Variants in GANAB observed in about 807,000 individuals in gnomAD.
The protein encoded by GANAB is glucosidase II alpha subunit.
Under a neutral mutation model 129.9 loss-of-function variants are expected in GANAB, and 35 were observed. The ratio of observed to expected loss-of-function variants is 0.27; its 90% CI spans 0.21 to 0.36. The LOEUF is 0.36. GANAB is among the 10% of genes least tolerant of loss of function. The probability of loss-of-function intolerance (pLI) is 1.00; values close to 1 mark genes in which losing one functional copy is unlikely to be tolerated. For missense variants in GANAB, 939 were observed against 1,221.0 expected (o/e 0.77, Z 3.44); for synonymous variants, 482 against 451.8 (o/e 1.07, Z -0.85).
At chr11:62,637,564 G>C (rs1215286272) in intron 4 of GANAB, among the ~76,000 whole-genome samples, 1 of 152,186 alleles carries the variant, frequency 6.6e-6, no homozygotes, top group Non-Finnish European at 1.5e-5. Context: ...CAGGAGACAT[G>C]TACAAGAAGG....
Position 62,625,778 on chromosome 11 carries a change from T to C in GANAB, c.*37A>G, listed in dbSNP as rs1239302601. ...AAAGAATATCTCTCAGCACTAATGC[T>C]CCCCTTCCCTCCCCCTAACCCAGAA... is the stretch of plus-strand genomic sequence containing the variant. On this transcript the variant is annotated 3_prime_UTR_variant, in exon 24 of 24. Transcript: ENST00000356638. 2 of 1,239,436 alleles carry C rather than the reference T, an allele frequency of 1.6e-6. No homozygotes were observed. Among genetic ancestry groups the C allele is most frequent in the Non-Finnish European group, 2.4e-6 (2 of 839,464 alleles). The allele number at this position is 1,239,436 out of a possible 1,614,324, so 76.8% of individuals were successfully genotyped here. A position where few individuals can be genotyped will look rare whatever the true frequency, so the allele number is the denominator to read the frequency against.
intron 1 of GANAB, among the ~76,000 whole-genome samples, chr11:62,644,908 G>GT (rs768266963): frequency 3.7e-4 from 56 of 152,156 alleles, no homozygotes; most frequent in Non-Finnish European, 7.4e-4. Flanking sequence ...TATACACATT[G>GT]TATCTAGTTA....
chr11:62,639,682 T>C lies in GANAB; in HGVS notation c.88A>G (p.Thr30Ala), dbSNP rs771762853. The C allele has an allele frequency of 4.3e-6, 7 of 1,613,856 alleles. No individual in the cohort carries two copies. Among genetic ancestry groups the C allele is most frequent in the South Asian group, 2.2e-5 (2 of 91,076 alleles). ...LAFLGVCLGI[T>A]LAVDRSNFKT... The stretch of plus-strand genomic sequence containing the variant: ...AAGTTGCTTCTATCCACAGCAAGGG[T>C]AATCCCCAGGCAGACCCCTAAAAAA... Residue 30 changes from threonine to alanine, a missense_variant, in exon 2 of 24, where the codon ACC becomes GCC. Thr to Ala is a moderately conservative substitution (Grantham distance 58, BLOSUM62 0). This residue lies in a region of GANAB where 321 missense variants were observed against 329.1 expected (regional missense o/e 0.98). Transcript: ENST00000356638.
chr11:62,645,243 A>G (rs2134564387), intron 1 of GANAB, among the ~76,000 whole-genome samples: 1 of 152,320 alleles, frequency 6.6e-6, no homozygotes, highest in East Asian at 1.9e-4. Flanking sequence ...AAATAGAAGT[A>G]CAGTGAGTTG....
At chr11:62,634,711 C>T (rs1943857777) in intron 5 of GANAB, 110 bp downstream of exon 5, 1 of 916,328 alleles carries the variant, frequency 1.1e-6, no homozygotes, top group Admixed American at 2.1e-5. Flanking sequence ...TCTCCCAGCC[C>T]CCAGGCCCTA....
chr11:62,645,679 A>G (rs758763359), intron 1 of GANAB, among the ~76,000 whole-genome samples: 4 of 152,210 alleles, frequency 2.6e-5, no homozygotes, highest in Non-Finnish European at 5.9e-5. Context: ...GGAGGGCCCT[A>G]AGGAATTCAC....
rs536835261 is a variant in GANAB, at chr11:62,625,701, T to C, written c.*114A>G. ...TGCCCAAATGTTGGCAGAATCTGGG[T>C]CTTAGACTAGCATAAGTGAAGTCTG... On this transcript the variant is annotated 3_prime_UTR_variant, in exon 24 of 24. Transcript: ENST00000356638. 77 of 722,572 alleles carry C rather than the reference T, an allele frequency of 1.1e-4. No homozygotes were observed. The Admixed American group carries it at 1.5e-3, about 14-fold the overall frequency. The allele number at this position is 722,572 out of a possible 1,614,324, so 44.8% of individuals were successfully genotyped here.
At chr11:62,634,173 G>A in intron 5 of GANAB, 1 of 654,892 alleles carries the variant, frequency 1.5e-6, no homozygotes, top group East Asian at 2.6e-5. Context: ...ACAGGTAACA[G>A]GACCAGACAT....
At chr11:62,642,497 T>C (rs892091874) in intron 1 of GANAB, among the ~76,000 whole-genome samples, 6 of 151,730 alleles carry the variant, frequency 4.0e-5, no homozygotes, top group Admixed American at 1.3e-4. Flanking sequence ...TGCAGTGACA[T>C]GATCTCAGCT....
chr11:62,630,437 G>C lies in GANAB; in HGVS notation c.1455C>G (p.Asn485Lys), dbSNP rs139305398. 3.7e-6 allele frequency: 6 copies of C among 1,614,070 alleles called. No individual in the cohort carries two copies. In the African/African-American group the frequency reaches 8.0e-5, roughly 22 times the overall value. ...SGYRVHEELR[N>K]LGLYVKTRDG... ...CCCGGGTTTTAACATACAGCCCCAG[G>C]TTCCGCAGCTCCTCGTGAACTCGGT... The change falls in exon 12 of 24, where the codon AAC (asparagine) becomes AAG (lysine). Residue 485 changes from asparagine to lysine, a missense_variant. Around this residue, in one of 5 missense-constraint regions of GANAB, gnomAD observed 220 missense variants for 295.9 expected, o/e 0.74. Transcript: ENST00000356638.
chr11:62,643,330 C>T (rs2134554865), intron 1 of GANAB, among the ~76,000 whole-genome samples: 1 of 152,198 alleles, frequency 6.6e-6, no homozygotes, highest in South Asian at 2.1e-4. Context: ...GGCGAAACTC[C>T]ATCTCTACTA....
Position 62,630,223 on chromosome 11 carries a change from T to G in GANAB, c.1567A>C (p.Asn523His). Residue 523 changes from asparagine (N) to histidine (H), a missense_variant, in exon 13 of 24, where the codon AAC (asparagine) becomes CAC (histidine). By Grantham distance (68) the Asn-to-His change is moderately conservative (BLOSUM62 1). This residue lies in a region of GANAB where 220 missense variants were observed against 295.9 expected (regional missense o/e 0.74). Coordinates refer to ENST00000356638, the MANE Select transcript of GANAB (RefSeq NM_198334.3). Reference protein sequence around the residue: ...TNPTMRAWWANMFSYDNYEGS... With the variant: ...TNPTMRAWWAHMFSYDNYEGS... ...TCATAATTGTCATAGCTGAACATGT[T>G]AGCCCACCAGGCCCTCATCGTGGGA... 2 of 1,613,192 alleles carry G rather than the reference T, an allele frequency of 1.2e-6. No individual in the cohort carries two copies. Among genetic ancestry groups the G allele is most frequent in the East Asian group, 4.5e-5 (2 of 44,872 alleles).
At position 62,639,078 on chromosome 11, in the gene GANAB, T is replaced by C. The variant is rs751348547; in HGVS notation, c.285A>G (p.Gln95=). Residue 95 remains glutamine (Q), a synonymous_variant, in exon 4 of 24, where the codon CAA becomes CAG. Transcript: ENST00000356638. ...VLLVLELQGL[Q]KNMTRFRIDE... ...CAATCCTGAACCGAGTCATGTTCTT[T>C]TGAAGCCCCTGAAGCTCTAGCACCA... The C allele has an allele frequency of 6.2e-7, 1 of 1,614,056 alleles. No individual in the cohort carries two copies. Among genetic ancestry groups the C allele is most frequent in the Non-Finnish European group, 8.5e-7 (1 of 1,179,990 alleles).
At position 62,631,165 on chromosome 11, in the gene GANAB, T is replaced by A. The variant is rs766710963; in HGVS notation, c.1015A>T (p.Met339Leu). ...TCCCCAGAGCCCTGCAGGTAGTCCATCATCTTCCCAAACAGGGTCTGTATA... is the reference window on the plus strand; with the variant it reads ...TCCCCAGAGCCCTGCAGGTAGTCCAACATCTTCCCAAACAGGGTCTGTATA... The part of the protein sequence containing the change: ...TAGKTLFGKM[M>L]DYLQGSGETP... The change falls in exon 10 of 24, where the codon ATG (methionine) becomes TTG (leucine). Residue 339 changes from methionine (M) to leucine (L), a missense_variant. Coordinates refer to ENST00000356638, the MANE Select transcript of GANAB (RefSeq NM_198334.3). 7 of 1,592,896 alleles carry A rather than the reference T, an allele frequency of 4.4e-6. No individual in the cohort carries two copies. The East Asian group carries it at 1.4e-4, about 31-fold the overall frequency.
chr11:62,628,732 C>T, intron 17 of GANAB, 37 bp downstream of exon 17: 1 of 1,604,070 alleles, frequency 6.2e-7, no homozygotes, highest in Non-Finnish European at 8.5e-7. Flanking sequence ...CCCCAGCCAC[C>T]TCAGCCCACT....
intron 9 of GANAB, among the ~76,000 whole-genome samples, chr11:62,631,703 T>C (rs1943690822): frequency 6.6e-6 from 1 of 152,070 alleles, no homozygotes; most frequent in South Asian, 2.1e-4. Flanking sequence ...CCTTGTGATC[T>C]GTCCACCTCG....
chr11:62,635,097 A>G, intron 4 of GANAB, 97 bp from the exon 5 acceptor site: 1 of 844,700 alleles, frequency 1.2e-6, no homozygotes, highest in Non-Finnish European at 1.9e-6. Context: ...GTTAAGAGAA[A>G]TAGGCAGTGT....
intron 17 of GANAB, 58 bp downstream of exon 17, chr11:62,628,711 G>A (rs1394845732): frequency 1.1e-5 from 17 of 1,575,894 alleles, no homozygotes; most frequent in Non-Finnish European, 1.5e-5. Context: ...ATGAAGCCCA[G>A]TCCCTAATAC....
chr11:62,638,024 A>G (rs1944026644), intron 4 of GANAB, among the ~76,000 whole-genome samples: 1 of 152,228 alleles, frequency 6.6e-6, no homozygotes, highest in Non-Finnish European at 1.5e-5. Flanking sequence ...ATGTGTGCAT[A>G]TGTATACACA....
Sources: allele counts gnomAD v4.1 joint callset (sites outside exome capture counted in the v4.1 genomes callset), GRCh38; gene constraint gnomAD v4.1.1; regional missense constraint gnomAD v4.1.1; transcripts MANE v1.5; gene names NCBI Gene and HGNC (gene_info 2026-07-23, HGNC 2026-07-21).